The following AOPEP variants were observed in gnomAD, a reference collection of about 807,000 sequenced individuals.
The protein encoded by AOPEP is aminopeptidase O.
Under a neutral mutation model 98.1 loss-of-function variants are expected in AOPEP, and 77 were observed. The observed-to-expected ratio is 0.78, with a 90% CI of 0.65 to 0.95. AOPEP has a LOEUF of 0.95. AOPEP is among the 40% of genes least tolerant of loss of function. The pLI is 0.00. For synonymous variants in AOPEP, 346 were observed against 365.3 expected (o/e 0.95, Z 0.60); for missense variants, 1,024 against 1,024.7 (o/e 1.00, Z 0.01).
chr9:94,755,866 G>A (rs1302334068), intron 1 of AOPEP, among the ~76,000 whole-genome samples: 4 of 152,206 alleles, frequency 2.6e-5, no homozygotes, highest in African/African-American at 9.6e-5. Context: ...AAATTAGAGA[G>A]TTGGATTCAG....
At chr9:95,145,635 T>C in the AOPEP span, 10 of 152,186 alleles carry the variant, frequency 6.6e-5, no homozygotes, top group Admixed American at 1.3e-4. Flanking sequence ...TTATTTTGTA[T>C]TGAACACAGT....
chr9:95,145,226 A>G, the AOPEP span: 1 of 152,252 alleles, frequency 6.6e-6, no homozygotes. Context: ...CAAACGCAAC[A>G]AACAACACAA....
At chr9:95,108,940 C>T in the AOPEP span, among the ~76,000 whole-genome samples, 1 of 150,390 alleles carries the variant, frequency 6.6e-6, no homozygotes, top group Non-Finnish European at 1.5e-5. Flanking sequence ...GAGCCTTGCT[C>T]TGTCACCCAG....
At chr9:95,105,100 CA>C in the AOPEP span, among the ~76,000 whole-genome samples, 2 of 152,252 alleles carry the variant, frequency 1.3e-5, no homozygotes, top group Non-Finnish European at 2.9e-5. Context: ...TGGCATGTGG[CA>C]GCCAGTCGTC....
intron 5 of AOPEP, among the ~76,000 whole-genome samples, chr9:94,846,469 C>T (rs2042877678): frequency 1.3e-5 from 2 of 152,172 alleles, no homozygotes; most frequent in South Asian, 4.1e-4. Context: ...ACATCAAGTA[C>T]AGGCAGCTCT....
chr9:94,852,845 T>G (rs568050922), intron 5 of AOPEP, among the ~76,000 whole-genome samples: 1 of 152,344 alleles, frequency 6.6e-6, no homozygotes, highest in African/African-American at 2.4e-5. Flanking sequence ...TAGTATTTGG[T>G]CAGCTGAGTG....
At chr9:94,777,206 A>G (rs7019720) in intron 3 of AOPEP, among the ~76,000 whole-genome samples, 100,996 of 151,868 alleles carry the variant, frequency 0.67, 34,546 homozygotes, top group African/African-American at 0.83. Context: ...AGGCCGAGGG[A>G]CGGATCATGA....
chr9:94,972,557 C>T lies in AOPEP; in HGVS notation c.1916+4756C>T, dbSNP rs1222736707. On this transcript the variant is annotated intron_variant, in intron 10 of 16. Coordinates refer to ENST00000375315, the MANE Select transcript of AOPEP (RefSeq NM_001193329.3). The surrounding 1 kb of genome is among the most constrained non-coding windows in gnomAD (Gnocchi z 4.2). ...TTGTTTTAATCTAATACTGTTCCTC[C>T]CCCACGGAGCTACACAGTACTTGTT... is the stretch of plus-strand genomic sequence containing the variant. Among the ~76,000 whole-genome samples, 1 of 152,118 alleles carries T rather than the reference C, an allele frequency of 6.6e-6. No homozygotes were observed. Among genetic ancestry groups the T allele is most frequent in the Non-Finnish European group, 1.5e-5 (1 of 68,026 alleles).
At chr9:94,839,178 C>T (rs1159462812) in intron 5 of AOPEP, among the ~76,000 whole-genome samples, 8 of 145,554 alleles carry the variant, frequency 5.5e-5, no homozygotes, top group Middle Eastern at 3.7e-3. Context: ...CCCTGCCTCC[C>T]GGGTTCACGC....
chr9:94,796,648 G>A (rs766763541), intron 4 of AOPEP, among the ~76,000 whole-genome samples: 3 of 152,230 alleles, frequency 2.0e-5, no homozygotes, highest in Non-Finnish European at 4.4e-5. Flanking sequence ...TGGCCAAAGT[G>A]TTGGTCACTG....
chr9:94,857,835 G>C (rs1256150304), intron 5 of AOPEP, among the ~76,000 whole-genome samples: 1 of 152,174 alleles, frequency 6.6e-6, no homozygotes, highest in Non-Finnish European at 1.5e-5. Flanking sequence ...TGAAAACACA[G>C]ATCTCTGTGG....
chr9:94,743,689 C>G (rs1224581207), intron 1 of AOPEP, among the ~76,000 whole-genome samples: 2 of 152,072 alleles, frequency 1.3e-5, no homozygotes, highest in Non-Finnish European at 2.9e-5. Context: ...TGTTCCATGG[C>G]TGGGAATGGA....
At chr9:95,114,693 A>G in the AOPEP span, 13 of 1,614,116 alleles carry the variant, frequency 8.1e-6, no homozygotes, top group Non-Finnish European at 1.1e-5. Flanking sequence ...GTCTGGAGCC[A>G]GTGTCCCCGA....
chr9:94,866,599 GTTTAC>G (rs147275226), intron 5 of AOPEP, among the ~76,000 whole-genome samples: 1,855 of 152,210 alleles, frequency 0.012, 41 homozygotes, highest in African/African-American at 0.042. Context: ...ATTTTAGATT[GTTTAC>G]TTTAAGAAAA....
chr9:94,949,928 A>C (rs2057977289), intron 7 of AOPEP, among the ~76,000 whole-genome samples: 1 of 152,142 alleles, frequency 6.6e-6, no homozygotes, highest in Non-Finnish European at 1.5e-5. Flanking sequence ...GTGGCTCTTG[A>C]AATTTGTTGT....
chr9:95,018,339 C>T (rs1352213988), intron 13 of AOPEP, among the ~76,000 whole-genome samples: 1 of 152,146 alleles, frequency 6.6e-6, no homozygotes, highest in Non-Finnish European at 1.5e-5. Flanking sequence ...GGTGGGTGTT[C>T]AAACGTGCTT....
intron 16 of AOPEP, 85 bp downstream of exon 16, chr9:95,082,804 T>A: frequency 6.9e-7 from 1 of 1,453,040 alleles, no homozygotes; most frequent in Non-Finnish European, 9.5e-7. Context: ...GCCGAATAGT[T>A]AGCCAAGACT....
At chr9:94,727,074 T>TC (rs1672440805) in intron 1 of AOPEP, among the ~76,000 whole-genome samples, 1 of 152,204 alleles carries the variant, frequency 6.6e-6, no homozygotes, top group Non-Finnish European at 1.5e-5. Flanking sequence ...CTCCAGGCCC[T>TC]CGGTCACCTG....
In AOPEP at chr9:94,980,668, G is replaced by C. The variant is rs2060127442; in HGVS notation, c.1977+1241G>C. Among the ~76,000 whole-genome samples, 2 of 152,138 alleles carry C rather than the reference G, an allele frequency of 1.3e-5. No individual in the cohort carries two copies. The highest frequency in any genetic ancestry group is 4.8e-5 in the African/African-American group (2 of 41,424). On this transcript the variant is annotated intron_variant, in intron 11 of 16. Transcript: ENST00000375315. The surrounding 1 kb of genome is among the most constrained non-coding windows in gnomAD (Gnocchi z 4.3). ...TATTTCTTTGGTCCAGTCCTTCTGG[G>C]AGGAAAAAAGAAAAAACATCCCGAG...
Sources: allele counts gnomAD v4.1 joint callset (sites outside exome capture counted in the v4.1 genomes callset), GRCh38; gene constraint gnomAD v4.1.1; non-coding constraint Gnocchi (gnomAD v3.1); transcripts MANE v1.5; gene names NCBI Gene and HGNC (gene_info 2026-07-23, HGNC 2026-07-21).